The following EYS variants were observed in gnomAD, a reference collection of about 807,000 sequenced individuals.
EYS encodes the protein protein eyes shut homolog.
EYS carries 250 observed loss-of-function variants against 282.1 expected under a neutral mutation model. That is an observed-to-expected ratio of 0.89 (90% CI 0.80 to 0.98). The LOEUF is 0.98. EYS is among the 50% of genes least tolerant of loss of function. The pLI is 0.00. For missense variants in EYS, 4,016 were observed against 3,709.0 expected, an observed-to-expected ratio of 1.08 and a Z score of -2.15; for synonymous variants, 1,355 against 1,282.9, an observed-to-expected ratio of 1.06 and a Z score of -1.20.
intron 22 of EYS, among the ~76,000 whole-genome samples, chr6:64,703,224 T>G (rs1239044205): frequency 6.6e-6 from 1 of 151,600 alleles, no homozygotes; most frequent in Admixed American, 6.6e-5. Flanking sequence ...CCTTGTCTAA[T>G]TGATGGTGAT....
At chr6:65,460,255 A>G (rs1387641002) in intron 5 of EYS, among the ~76,000 whole-genome samples, 1 of 151,138 alleles carries the variant, frequency 6.6e-6, no homozygotes, top group Non-Finnish European at 1.5e-5. Flanking sequence ...TAAATTAATA[A>G]ATCCACAAAG....
chr6:65,535,683 A>C (rs1767938229), intron 2 of EYS, among the ~76,000 whole-genome samples: 1 of 152,176 alleles, frequency 6.6e-6, no homozygotes, highest in South Asian at 2.1e-4. Flanking sequence ...CTGTTACCAG[A>C]GGATTCTGTT....
At chr6:64,105,002 C>T (rs1472235670) in intron 31 of EYS, among the ~76,000 whole-genome samples, 3 of 150,958 alleles carry the variant, frequency 2.0e-5, no homozygotes, top group Admixed American at 6.6e-5. Flanking sequence ...GTTTCTGAGG[C>T]AGACACTGAG....
At chr6:64,168,664 A>T (rs1007027184) in intron 31 of EYS, among the ~76,000 whole-genome samples, 1 of 152,244 alleles carries the variant, frequency 6.6e-6, no homozygotes, top group Non-Finnish European at 1.5e-5. Flanking sequence ...CACATATTGT[A>T]CAATTCCATT....
intron 37 of EYS, among the ~76,000 whole-genome samples, chr6:63,793,065 G>C (rs188176537): frequency 9.6e-4 from 146 of 152,258 alleles, no homozygotes; most frequent in African/African-American, 3.3e-3. Context: ...ATGACTAAGT[G>C]GGGGATCTGA....
chr6:64,664,712 C>T lies in EYS; in HGVS notation c.3444-38467G>A, dbSNP rs367619615. Among the ~76,000 whole-genome samples the T allele has an allele frequency of 7.9e-5, 12 of 152,098 alleles. No individual in the cohort carries two copies. In the East Asian group the frequency reaches 1.2e-3, roughly 15 times the overall value. On this transcript the variant is annotated intron_variant, in intron 22 of 42. Coordinates refer to ENST00000503581, the MANE Select transcript of EYS (RefSeq NM_001142800.2). ...CTTATGAAAGAGGCCAGAGGGAGCT[C>T]ATTTGACCTTTTCATCATGAGAACA...
At chr6:65,255,839 C>T (rs1436489883) in intron 12 of EYS, among the ~76,000 whole-genome samples, 2 of 151,968 alleles carry the variant, frequency 1.3e-5, no homozygotes, top group Admixed American at 1.3e-4. Context: ...ATCCAAAAGA[C>T]AGGCAATAAC....
At chr6:65,314,133 G>A (rs1421457965) in intron 11 of EYS, among the ~76,000 whole-genome samples, 2 of 129,740 alleles carry the variant, frequency 1.5e-5, no homozygotes, top group East Asian at 4.0e-4. Flanking sequence ...GTGTGTATGT[G>A]CATGTGTGTG....
rs369617849 is a variant in EYS at position 63,905,891 on chromosome 6, G to A, written c.7056-41533C>T. On this transcript the variant is annotated intron_variant, in intron 35 of 42. Transcript: ENST00000503581. Reference sequence around the variant, plus strand: ...CCCCGTTATGGCCTTTCTTGTCTGGGTCAGCATCCAGACTAAGCTGGATAA... The same window carrying A: ...CCCCGTTATGGCCTTTCTTGTCTGGATCAGCATCCAGACTAAGCTGGATAA... 5.3e-5 allele frequency among the ~76,000 whole-genome samples: 8 copies of A among 152,202 alleles called. No homozygotes were observed. In the East Asian group the frequency reaches 1.2e-3, roughly 22 times the overall value.
chr6:65,000,180 T>C (rs906736159), intron 13 of EYS, among the ~76,000 whole-genome samples: 1 of 152,138 alleles, frequency 6.6e-6, no homozygotes, highest in Non-Finnish European at 1.5e-5. Context: ...CCTGCCTGTC[T>C]ATACGTTCCG....
At chr6:63,777,882 T>A (rs1038959811) in intron 40 of EYS, 124 bp downstream of exon 40, 4 of 946,782 alleles carry the variant, frequency 4.2e-6, no homozygotes, top group Non-Finnish European at 6.5e-6. Context: ...CAAGTCTACA[T>A]AAGAACATTT....
chr6:64,566,523 C>A (rs16895493), intron 26 of EYS, among the ~76,000 whole-genome samples: 1 of 151,850 alleles, frequency 6.6e-6, no homozygotes, highest in Non-Finnish European at 1.5e-5. Flanking sequence ...GCACTTAATT[C>A]GCATTTCTTA....
At chr6:63,862,564 T>C (rs543171662) in intron 36 of EYS, among the ~76,000 whole-genome samples, 16 of 152,344 alleles carry the variant, frequency 1.1e-4, no homozygotes, top group Admixed American at 2.0e-4. Context: ...TATGTGTGAA[T>C]ACACAAAGAC....
intron 19 of EYS, among the ~76,000 whole-genome samples, chr6:64,875,578 G>A (rs1360221160): frequency 6.6e-6 from 1 of 151,940 alleles, no homozygotes; most frequent in African/African-American, 2.4e-5. Flanking sequence ...CTATACATAG[G>A]AGCCATCCAT....
intron 2 of EYS, among the ~76,000 whole-genome samples, chr6:65,604,588 A>G (rs1354049545): frequency 6.6e-6 from 1 of 152,046 alleles, no homozygotes; most frequent in Non-Finnish European, 1.5e-5. Context: ...GCATTTTATT[A>G]TATGTAAATT....
At chr6:63,872,477 G>GTTTCTTT (rs373404815) in intron 35 of EYS, among the ~76,000 whole-genome samples, 1 of 119,398 alleles carries the variant, frequency 8.4e-6, no homozygotes, top group African/African-American at 3.3e-5. Context: ...CCTAAATATG[G>GTTTCTTT]TTTTTTTTTT....
chr6:64,720,893 C>A (rs950918010), intron 22 of EYS, among the ~76,000 whole-genome samples: 4 of 152,162 alleles, frequency 2.6e-5, no homozygotes, highest in Non-Finnish European at 5.9e-5. Flanking sequence ...GTGCAAACAT[C>A]TGCATTTTTT....
At chr6:64,057,998 A>G (rs1421206847) in intron 33 of EYS, among the ~76,000 whole-genome samples, 1 of 152,014 alleles carries the variant, frequency 6.6e-6, no homozygotes, top group East Asian at 1.9e-4. Flanking sequence ...TACCCAGCTA[A>G]TTTTTCGTAG....
intron 1 of EYS, among the ~76,000 whole-genome samples, chr6:65,700,594 T>C (rs1027142698): frequency 5.3e-5 from 8 of 152,210 alleles, no homozygotes; most frequent in African/African-American, 1.9e-4. Context: ...GTGCGTAATA[T>C]TGAGCTATAA....
Sources: allele counts gnomAD v4.1 joint callset (sites outside exome capture counted in the v4.1 genomes callset), GRCh38; gene constraint gnomAD v4.1.1; transcripts MANE v1.5; gene names NCBI Gene and HGNC (gene_info 2026-07-23, HGNC 2026-07-21).